The following IPCEF1 variants were observed in gnomAD, a reference collection of about 807,000 sequenced individuals.
The protein encoded by IPCEF1 is interactor protein for cytohesin exchange factors 1.
Under a neutral mutation model 50.9 loss-of-function variants are expected in IPCEF1, and 31 were observed. That is an observed-to-expected ratio of 0.61 (90% CI 0.46 to 0.82). The LOEUF is 0.82. Ranked by LOEUF, IPCEF1 falls within the 40% of genes least tolerant of loss-of-function variation. The pLI, the probability that IPCEF1 is intolerant of heterozygous loss-of-function variation, is 0.00. For synonymous variants in IPCEF1, 181 were observed against 192.0 expected (o/e 0.94, Z 0.47); for missense variants, 458 against 514.0 (o/e 0.89, Z 1.05).
intron 1 of IPCEF1, among the ~76,000 whole-genome samples, chr6:154,333,519 G>A (rs183987189): frequency 6.6e-5 from 10 of 151,640 alleles, no homozygotes; most frequent in South Asian, 2.1e-4. Context: ...CCTTGTGATC[G>A]TGGGAGTTAA....
intron 7 of IPCEF1, among the ~76,000 whole-genome samples, 155 bp downstream of exon 7, chr6:154,221,102 A>G (rs1019099867): frequency 6.6e-6 from 1 of 152,254 alleles, no homozygotes; most frequent in African/African-American, 2.4e-5. Flanking sequence ...CTAGAGAAGA[A>G]AGCACGAAGG....
chr6:154,174,860 A>G lies in IPCEF1; in HGVS notation c.911-6747T>C, dbSNP rs538532811. On this transcript the variant is annotated intron_variant, in intron 10 of 11. Transcript: ENST00000367220. The stretch of plus-strand genomic sequence containing the variant: ...ACAGAACTCTCCACCCAAAATCAAC[A>G]GAATATAGATTTTTCTCAGCACCAC... 2.6e-5 allele frequency among the ~76,000 whole-genome samples: 4 copies of G among 152,342 alleles called. No individual in the cohort carries two copies. The East Asian group carries it at 5.8e-4, about 22-fold the overall frequency.
intron 1 of IPCEF1, among the ~76,000 whole-genome samples, chr6:154,344,633 C>T (rs1459802752): frequency 6.6e-6 from 1 of 152,158 alleles, no homozygotes; most frequent in African/African-American, 2.4e-5. Context: ...TGCCGGAGCA[C>T]GAATACCAAC....
chr6:154,281,658 G>T, intron 2 of IPCEF1, among the ~76,000 whole-genome samples: 1 of 151,886 alleles, frequency 6.6e-6, no homozygotes. Context: ...GCCAGGGTAC[G>T]AGATCAGCCT....
intron 1 of IPCEF1, among the ~76,000 whole-genome samples, chr6:154,298,039 T>C (rs1446008891): frequency 1.3e-5 from 2 of 152,228 alleles, no homozygotes; most frequent in African/African-American, 2.4e-5. Flanking sequence ...AAAACCAGCA[T>C]ATAAAGCACA....
Position 154,199,927 on chromosome 6 carries a change from T to G in IPCEF1, c.651A>C (p.Lys217Asn). Residue 217 changes from lysine to asparagine, a missense_variant, in exon 10 of 12, where the codon AAA (lysine) becomes AAC (asparagine). Coordinates refer to ENST00000367220, the MANE Select transcript of IPCEF1 (RefSeq NM_001130700.2). The stretch of plus-strand genomic sequence containing the variant: ...CTGTGTCAGGCAAGGATTGTCTCTC[T>G]TTAGATAAGGAGGAAGGAAAACTGC... Reference protein sequence around the residue: ...TPSSFPSSLSKERQSLPDTVN... With the variant: ...TPSSFPSSLSNERQSLPDTVN... The G allele has an allele frequency of 6.2e-7, 1 of 1,614,226 alleles. No individual in the cohort carries two copies. Among genetic ancestry groups the G allele is most frequent in the Non-Finnish European group, 8.5e-7 (1 of 1,180,030 alleles).
chr6:154,349,721 G>T (rs1031019962), intron 1 of IPCEF1, among the ~76,000 whole-genome samples: 53 of 151,588 alleles, frequency 3.5e-4, no homozygotes, highest in African/African-American at 1.3e-3. Flanking sequence ...ACAATAGTCA[G>T]GAAAAAAAGA....
chr6:154,183,544 T>G (rs1379773799), intron 10 of IPCEF1, among the ~76,000 whole-genome samples: 2 of 152,196 alleles, frequency 1.3e-5, no homozygotes, highest in Non-Finnish European at 2.9e-5. Context: ...AGAGGTGCGC[T>G]CTATAGAATA....
intron 1 of IPCEF1, among the ~76,000 whole-genome samples, chr6:154,293,337 C>T (rs1782559201): frequency 1.3e-5 from 2 of 152,174 alleles, no homozygotes; most frequent in Admixed American, 6.5e-5. Flanking sequence ...ATCTGGGTGG[C>T]ATCAGACTCA....
intron 5 of IPCEF1, among the ~76,000 whole-genome samples, chr6:154,230,512 T>C (rs760668897): frequency 6.6e-6 from 1 of 152,190 alleles, no homozygotes; most frequent in Admixed American, 6.5e-5. Context: ...TTGGAAAATA[T>C]ACAAAATTAC....
intron 10 of IPCEF1, among the ~76,000 whole-genome samples, chr6:154,198,245 C>A (rs1348586645): frequency 2.6e-5 from 4 of 152,176 alleles, no homozygotes; most frequent in Non-Finnish European, 5.9e-5. Context: ...CAATTCTGTG[C>A]TTCCAAGGAG....
intron 1 of IPCEF1, among the ~76,000 whole-genome samples, chr6:154,328,905 C>T (rs1467227217): frequency 6.6e-6 from 1 of 152,180 alleles, no homozygotes; most frequent in East Asian, 1.9e-4. Flanking sequence ...TATTACTGAA[C>T]TTCAAAGTAT....
At chr6:154,319,980 C>G (rs1010770602) in intron 1 of IPCEF1, among the ~76,000 whole-genome samples, 12 of 152,150 alleles carry the variant, frequency 7.9e-5, no homozygotes, top group African/African-American at 1.2e-4. Context: ...ATTTTAGACA[C>G]GAGCATTTTT....
rs539762761 is a variant in IPCEF1 at position 154,264,526 on chromosome 6, C to T, written c.36+1386G>A. Among the ~76,000 whole-genome samples, 11 of 152,184 alleles carry T rather than the reference C, an allele frequency of 7.2e-5. No homozygotes were observed. The South Asian group carries it at 2.1e-3, about 29-fold the overall frequency. ...TAGCTGGGACTACAGGTGCGCACCA[C>T]CATGCCCGGCTAATTTTTGTATTTT... On this transcript the variant is annotated intron_variant, in intron 3 of 11. Transcript: ENST00000367220.
intron 3 of IPCEF1, among the ~76,000 whole-genome samples, chr6:154,255,149 A>G (rs1286027395): frequency 1.3e-5 from 2 of 151,926 alleles, no homozygotes; most frequent in Non-Finnish European, 2.9e-5. Flanking sequence ...TATTTCTGGG[A>G]TCATCTTTCT....
At chr6:154,268,719 T>A (rs1407527527) in intron 2 of IPCEF1, among the ~76,000 whole-genome samples, 1 of 152,086 alleles carries the variant, frequency 6.6e-6, no homozygotes, top group African/African-American at 2.4e-5. Context: ...CCTTGGGTTG[T>A]TTCCGTATCT....
At chr6:154,243,532 T>TG (rs1306930827) in intron 5 of IPCEF1, among the ~76,000 whole-genome samples, 10 of 152,218 alleles carry the variant, frequency 6.6e-5, no homozygotes, top group Non-Finnish European at 1.3e-4. Flanking sequence ...GAGGCTGGTC[T>TG]TCCCAGGCAG....
intron 1 of IPCEF1, among the ~76,000 whole-genome samples, chr6:154,340,829 G>A (rs1336523668): frequency 6.7e-6 from 1 of 149,538 alleles, no homozygotes; most frequent in Admixed American, 6.7e-5. Flanking sequence ...AGGTTGCGGT[G>A]AGCAAAGATC....
At chr6:154,231,779 GT>G (rs1228529338) in intron 5 of IPCEF1, among the ~76,000 whole-genome samples, 2 of 152,190 alleles carry the variant, frequency 1.3e-5, no homozygotes, top group African/African-American at 4.8e-5. Flanking sequence ...GACTGACTTG[GT>G]TGTAACTTGT....
Sources: gnomAD v4.1 joint callset for allele counts (sites outside exome capture counted in the v4.1 genomes callset) on GRCh38, gnomAD v4.1.1 for gene constraint, MANE v1.5 for transcripts, NCBI Gene and HGNC (gene_info 2026-07-23, HGNC 2026-07-21) for gene names.